Variants in ESRP2 observed in about 807,000 individuals in gnomAD.
The protein encoded by ESRP2 is epithelial splicing regulatory protein 2.
ESRP2 carries 48 observed loss-of-function variants against 78.6 expected under a neutral mutation model. The ratio of observed to expected loss-of-function variants is 0.61; its 90% confidence interval spans 0.48 to 0.78. The LOEUF (loss-of-function observed/expected upper bound fraction) is 0.78. ESRP2 is among the 30% of genes least tolerant of loss of function. The pLI is 0.00. For synonymous variants in ESRP2, 383 were observed against 406.7 expected (o/e 0.94, Z 0.70); for missense variants, 863 against 965.9 (o/e 0.89, Z 1.41).
chr16:68,234,269 T>C (rs1023012862), intron 2 of ESRP2, 162 bp from the exon 3 acceptor site: 2 of 611,276 alleles, frequency 3.3e-6, no homozygotes, highest in African/African-American at 1.9e-5. Context: ...CCTAGCCCTA[T>C]GTCCCTTCCC....
rs768186292 is a variant in ESRP2, at chr16:68,230,328, C to T, written c.2065-13G>A. The T allele has an allele frequency of 7.4e-6, 12 of 1,614,068 alleles. No homozygotes were observed. On this transcript the variant is annotated splice_polypyrimidine_tract_variant and intron_variant, in intron 14 of 14. Transcript: ENST00000473183. The stretch of plus-strand genomic sequence containing the variant: ...CATCAGCGGGTAGCTACAGAAGGGA[C>T]ACAGATTTAGGGCAGAGAGCTCAGC...
rs1349264437 is a variant in ESRP2 at position 68,236,003 on chromosome 16, G to A, written c.43C>T (p.Pro15Ser). Residue 15 changes from proline to serine, a missense_variant, in exon 1 of 15, where the codon CCC becomes TCC. Physicochemically the swap from Pro to Ser is moderately conservative, Grantham distance 74 (BLOSUM62 -1). Coordinates refer to ENST00000473183, the MANE Select transcript of ESRP2 (RefSeq NM_024939.3). This position sits in a 1 kb window ranked among gnomAD's most constrained non-coding sequence, Gnocchi z 5.2. ...GGGTCCGCGGCGGGGTCGGCCGCGG[G>A]GTCAGGGCCCGGGGGAGGGGGCGGC... ...PPPPPPPGPD[P>S]AADPAADPCP... 7 of 1,554,040 alleles carry A rather than the reference G, an allele frequency of 4.5e-6. No individual in the cohort carries two copies. The highest frequency in any genetic ancestry group is 2.6e-6 in the Non-Finnish European group (3 of 1,153,304).
intron 14 of ESRP2, 21 bp from the exon 15 acceptor site, chr16:68,230,336 T>A: frequency 6.2e-7 from 1 of 1,614,186 alleles, no homozygotes; most frequent in Non-Finnish European, 8.5e-7. Flanking sequence ...GACACAGATT[T>A]AGGGCAGAGA....
rs759151563 is a variant in ESRP2, at chr16:68,230,192, A to T, written c.*34T>A. 1 of 1,593,884 alleles carries T rather than the reference A, an allele frequency of 6.3e-7. No homozygotes were observed. Among genetic ancestry groups the T allele is most frequent in the East Asian group, 2.2e-5 (1 of 44,756 alleles). On this transcript the variant is annotated 3_prime_UTR_variant, in exon 15 of 15. Coordinates refer to ENST00000473183, the MANE Select transcript of ESRP2 (RefSeq NM_024939.3). The stretch of plus-strand genomic sequence containing the variant: ...CTCAGGAGAGACATGTTCGCCGAGG[A>T]TATCAGCTGGCTCTTACCTCCTGGC...
chr16:68,231,504 A>G lies in ESRP2; in HGVS notation c.1490T>C (p.Val497Ala), dbSNP rs1351440046. The G allele has an allele frequency of 6.2e-7, 1 of 1,614,022 alleles. No homozygotes were observed. Among genetic ancestry groups the G allele is most frequent in the East Asian group, 2.2e-5 (1 of 44,872 alleles). ...EAAADIRPHGVHMVLNQQGRP... is the reference protein window; with the variant it reads ...EAAADIRPHGAHMVLNQQGRP... ...CACCTGCTGGTTGAGCACCATGTGT[A>G]CACCGTGGGGCCGAATGTCAGCTGC... The change falls in exon 11 of 15, where the codon GTA becomes GCA. Residue 497 changes from valine (V) to alanine (A), a missense_variant. Physicochemically the swap from Val to Ala is moderately conservative, Grantham distance 64 (BLOSUM62 0). Transcript: ENST00000473183. The surrounding 1 kb of genome is among the most constrained non-coding windows in gnomAD (Gnocchi z 6.0).
chr16:68,235,148 C>G lies in ESRP2; in HGVS notation c.327+486G>C. 2 of 999,354 alleles carry G rather than the reference C, an allele frequency of 2.0e-6. No homozygotes were observed. The highest frequency in any genetic ancestry group is 2.4e-6 in the Non-Finnish European group (2 of 838,178). The allele number at this position is 999,354 out of a possible 1,614,324, so 61.9% of individuals were successfully genotyped here. The stretch of plus-strand genomic sequence containing the variant: ...GCCTGGCCAGCCGGCCGGGACAGGC[C>G]TAGACGAGCAGTTTACACCTGGCGG... On this transcript the variant is annotated intron_variant, in intron 2 of 14. Transcript: ENST00000473183. The surrounding 1 kb of genome is among the most constrained non-coding windows in gnomAD (Gnocchi z 5.5).
At chr16:68,233,932 A>T in intron 3 of ESRP2, 50 bp from the exon 4 acceptor site, 1 of 1,600,590 alleles carries the variant, frequency 6.2e-7, no homozygotes, top group Non-Finnish European at 8.6e-7. Context: ...CCTCAGGACA[A>T]GAGGGGTTCT....
At position 68,236,093 on chromosome 16, in the gene ESRP2, C is replaced by T. The variant is rs1596932527; in HGVS notation, c.-48G>A. The stretch of plus-strand genomic sequence containing the variant: ...CGGCCAGACACGCGGACCGACGAGG[C>T]GCACGCACGCACCGACCGACCGCAG... On this transcript the variant is annotated 5_prime_UTR_variant, in exon 1 of 15. Coordinates refer to ENST00000473183, the MANE Select transcript of ESRP2 (RefSeq NM_024939.3). The surrounding 1 kb of genome is among the most constrained non-coding windows in gnomAD (Gnocchi z 5.2). The T allele has an allele frequency of 1.5e-6, 2 of 1,369,610 alleles. No homozygotes were observed. The highest frequency in any genetic ancestry group is 6.0e-5 in the East Asian group (2 of 33,246). 84.8% of individuals were successfully genotyped at this position (1,369,610 alleles called of 1,614,324 possible).
In ESRP2 at chr16:68,230,191, G is replaced by A. The variant is rs191316190; in HGVS notation, c.*35C>T. 1,359 of 1,591,630 alleles carry A rather than the reference G, an allele frequency of 8.5e-4. 13 individuals carry two copies. In the African/African-American group the frequency reaches 0.017, roughly 20 times the overall value. On this transcript the variant is annotated 3_prime_UTR_variant, in exon 15 of 15. Coordinates refer to ENST00000473183, the MANE Select transcript of ESRP2 (RefSeq NM_024939.3). Reference sequence around the variant, plus strand: ...ACTCAGGAGAGACATGTTCGCCGAGGATATCAGCTGGCTCTTACCTCCTGG... The same window carrying A: ...ACTCAGGAGAGACATGTTCGCCGAGAATATCAGCTGGCTCTTACCTCCTGG...
Position 68,230,145 on chromosome 16 carries a change from T to TTGAGGG in ESRP2, c.*75_*80dup. ...GACAAGCCAGAAAGAAGCTACCAGG[T>TTGAGGG]TGAGGGTGCTGGTCTTCTGGACTCA... On this transcript the variant is annotated 3_prime_UTR_variant, in exon 15 of 15. Transcript: ENST00000473183. 1 of 1,340,888 alleles carries TTGAGGG rather than the reference T, an allele frequency of 7.5e-7. No individual in the cohort carries two copies. The highest frequency in any genetic ancestry group is 1.1e-6 in the Non-Finnish European group (1 of 933,934). 83.1% of individuals were successfully genotyped at this position (1,340,888 alleles called of 1,614,324 possible). A position where few individuals can be genotyped will look rare whatever the true frequency, so the allele number is the denominator to read the frequency against.
In ESRP2 at chr16:68,235,959, T is replaced by A. The variant is rs1280656921; in HGVS notation, c.87A>T (p.Ser29=). The A allele has an allele frequency of 6.2e-7, 1 of 1,610,164 alleles. No individual in the cohort carries two copies. The highest frequency in any genetic ancestry group is 1.7e-5 in the Admixed American group (1 of 59,842). The stretch of plus-strand genomic sequence containing the variant: ...CCGTAGCCCCGAAGAGGACGACCAG[T>A]GATCCGGGCCAGGGGCAGGGGTCCG... The part of the protein sequence containing the change: ...PAADPCPWPG[S]LVVLFGATAG... Residue 29 remains serine (S), a synonymous_variant, in exon 1 of 15, where the codon TCA becomes TCT. Coordinates refer to ENST00000473183, the MANE Select transcript of ESRP2 (RefSeq NM_024939.3). The surrounding 1 kb of genome is among the most constrained non-coding windows in gnomAD (Gnocchi z 5.5).
chr16:68,233,163 C>T (rs535265119), intron 5 of ESRP2, 164 bp downstream of exon 5: 83 of 612,024 alleles, frequency 1.4e-4, no homozygotes, highest in African/African-American at 1.0e-3. Context: ...TGTGCCACTG[C>T]ACTCTAGCCT....
At position 68,234,008 on chromosome 16, in the gene ESRP2, C is replaced by T. The variant is rs142161656; in HGVS notation, c.427G>A (p.Glu143Lys). 7 of 1,614,040 alleles carry T rather than the reference C, an allele frequency of 4.3e-6. No homozygotes were observed. The highest frequency in any genetic ancestry group is 2.2e-5 in the East Asian group (1 of 44,860). The change falls in exon 3 of 15, where the codon GAG becomes AAG. Residue 143 changes from glutamate to lysine, a missense_variant. By Grantham distance (56) the Glu-to-Lys change is moderately conservative. Coordinates refer to ENST00000473183, the MANE Select transcript of ESRP2 (RefSeq NM_024939.3). ...CAGGAGCATACCTTCCTGGAGGCCT[C>T]GGGGTGCAGGACCTGTCGCAATAGC... ...QQLLRQVLHP[E>K]ASRKNLVLPD...
chr16:68,233,629 C>T (rs566246042), intron 4 of ESRP2, 139 bp downstream of exon 4: 46 of 754,392 alleles, frequency 6.1e-5, no homozygotes, highest in African/African-American at 1.4e-4. Flanking sequence ...AGCACAGACA[C>T]GAAGACACAG....
intron 13 of ESRP2, 123 bp from the exon 14 acceptor site, chr16:68,230,677 TAC>T (rs1229339421): frequency 2.8e-6 from 4 of 1,421,204 alleles, no homozygotes; most frequent in Admixed American, 4.4e-5. Context: ...CCCCAGCCTC[TAC>T]AGAGTCATTT....
intron 4 of ESRP2, 123 bp from the exon 5 acceptor site, chr16:68,233,548 G>T: frequency 1.2e-6 from 1 of 826,600 alleles, no homozygotes; most frequent in Non-Finnish European, 2.1e-6. Flanking sequence ...TTTTGGCCCA[G>T]TTCATGTGTG....
Position 68,233,326 on chromosome 16 carries a change from C to A in ESRP2, c.655+1G>T, listed in dbSNP as rs1384950554. Reference sequence around the variant, plus strand: ...GTGACAGGCAGTGAGGGAAACCTTACTGCTGGGCTCTTTGAGTAGATGGAG... The same window carrying A: ...GTGACAGGCAGTGAGGGAAACCTTAATGCTGGGCTCTTTGAGTAGATGGAG... On this transcript the variant is annotated splice_donor_variant, in intron 5 of 14. Coordinates refer to ENST00000473183, the MANE Select transcript of ESRP2 (RefSeq NM_024939.3). LOFTEE classifies it high-confidence loss of function. 6.2e-7 allele frequency: 1 copy of A among 1,611,412 alleles called. No individual in the cohort carries two copies. The highest frequency in any genetic ancestry group is 1.7e-5 in the Admixed American group (1 of 60,014).
rs774478429 is a variant in ESRP2, at chr16:68,234,073, A to C, written c.362T>G (p.Leu121Arg). 6.2e-7 allele frequency: 1 copy of C among 1,613,662 alleles called. No homozygotes were observed. The highest frequency in any genetic ancestry group is 1.1e-5 in the South Asian group (1 of 90,972). The change falls in exon 3 of 15, where the codon CTG (leucine) becomes CGG (arginine). Residue 121 changes from leucine (L) to arginine (R), a missense_variant. Physicochemically the swap from Leu to Arg is moderately radical, Grantham distance 102 (BLOSUM62 -2). Transcript: ENST00000473183. ...GCAGAGCATGTAGGGGCCCCCGCCC[A>C]GCAAAGCCACATCCCCGTTCACCAG... Reference protein sequence around the residue: ...SQLVNGDVALLGGGPYMLCTD... With the variant: ...SQLVNGDVALRGGGPYMLCTD...
intron 4 of ESRP2, 155 bp downstream of exon 4, chr16:68,233,613 C>T: frequency 1.4e-6 from 1 of 730,984 alleles, no homozygotes; most frequent in Non-Finnish European, 2.4e-6. Flanking sequence ...ATTCCAAACT[C>T]ATCCTAGCAC....
Sources: gnomAD v4.1 joint callset for allele counts on GRCh38, gnomAD v4.1.1 for gene constraint, Gnocchi (gnomAD v3.1) non-coding constraint, MANE v1.5 for transcripts, NCBI Gene and HGNC (gene_info 2026-07-23, HGNC 2026-07-21) for gene names.